RABGAP1L: variants seen among roughly 807,000 people sequenced by gnomAD.
RABGAP1L encodes the protein rab GTPase-activating protein 1-like.
In RABGAP1L, 63 loss-of-function variants were observed where a neutral mutation model predicts 137.7. The observed-to-expected ratio is 0.46, with a 90% CI of 0.37 to 0.56. RABGAP1L has a LOEUF of 0.56. RABGAP1L is among the 20% of genes least tolerant of loss of function. The probability of loss-of-function intolerance (pLI) is 0.00; values close to 1 mark genes in which losing one functional copy is unlikely to be tolerated. For synonymous variants in RABGAP1L, 431 were observed against 433.7 expected (o/e 0.99, Z 0.08); for missense variants, 1,095 against 1,244.0 (o/e 0.88, Z 1.80).
intron 1 of RABGAP1L, among the ~76,000 whole-genome samples, chr1:174,196,865 A>G (rs1221663472): frequency 6.6e-6 from 1 of 152,032 alleles, no homozygotes; most frequent in Non-Finnish European, 1.5e-5. Context: ...TTGGACATCA[A>G]CTTTGTCTTC....
chr1:174,653,018 G>A lies in RABGAP1L; in HGVS notation c.1824+15530G>A, dbSNP rs371996235. 3.3e-5 allele frequency among the ~76,000 whole-genome samples: 5 copies of A among 152,308 alleles called. No homozygotes were observed. The East Asian group carries it at 7.7e-4, about 24-fold the overall frequency. ...GCCTAGAGAGGAGGAATCTAGAGAG[G>A]CTGTCTGGCTACAGTATCTTTTCTG... is the stretch of plus-strand genomic sequence containing the variant. On this transcript the variant is annotated intron_variant, in intron 14 of 25. Coordinates refer to ENST00000681986, the MANE Select transcript of RABGAP1L (RefSeq NM_001366446.1).
chr1:174,179,020 A>G (rs1019594022), intron 1 of RABGAP1L, among the ~76,000 whole-genome samples: 6 of 152,168 alleles, frequency 3.9e-5, no homozygotes, highest in Non-Finnish European at 7.4e-5. Flanking sequence ...AAAACAAAAC[A>G]AAACAATCCC....
intron 10 of RABGAP1L, among the ~76,000 whole-genome samples, chr1:174,295,393 CT>C (rs1021299491): frequency 6.6e-6 from 1 of 151,210 alleles, no homozygotes; most frequent in African/African-American, 2.4e-5. Context: ...TTCTTTCTTT[CT>C]TTTTTTTGAA....
intron 14 of RABGAP1L, among the ~76,000 whole-genome samples, chr1:174,656,302 A>G (rs1675967681): frequency 6.6e-6 from 1 of 152,158 alleles, no homozygotes; most frequent in African/African-American, 2.4e-5. Context: ...TACTAAAAAT[A>G]CAAAAATTAT....
At position 174,796,344 on chromosome 1, in the gene RABGAP1L, G is replaced by C. The variant is rs77298890; in HGVS notation, c.2212-15488G>C. Among the ~76,000 whole-genome samples, 1,199 of 152,200 alleles carry C rather than the reference G, an allele frequency of 7.9e-3. 11 individuals carry two copies. Among genetic ancestry groups the C allele is most frequent in the African/African-American group, 0.027 (1,108 of 41,514 alleles). ...TTGTTCTGTGATTTATTACTGAATC[G>C]CAACAACAATAAAAAAAGTATTTGG... On this transcript the variant is annotated intron_variant, in intron 18 of 25. Coordinates refer to ENST00000681986, the MANE Select transcript of RABGAP1L (RefSeq NM_001366446.1).
chr1:174,226,154 G>A (rs995175522), intron 3 of RABGAP1L, among the ~76,000 whole-genome samples: 2 of 152,130 alleles, frequency 1.3e-5, no homozygotes, highest in African/African-American at 2.4e-5. Context: ...TCTGCAACTC[G>A]GACCACCCTT....
intron 5 of RABGAP1L, among the ~76,000 whole-genome samples, chr1:174,249,483 T>C (rs1172392970): frequency 6.6e-6 from 1 of 152,202 alleles, no homozygotes; most frequent in Non-Finnish European, 1.5e-5. Flanking sequence ...TTGTATATTT[T>C]GAAGCCTAGA....
chr1:174,482,371 C>T (rs1350952233), intron 13 of RABGAP1L, among the ~76,000 whole-genome samples: 2 of 152,000 alleles, frequency 1.3e-5, no homozygotes, highest in African/African-American at 4.8e-5. Context: ...TGCTTAATTC[C>T]CTTTAGAGGT....
intron 11 of RABGAP1L, among the ~76,000 whole-genome samples, chr1:174,308,825 C>T (rs1328208057): frequency 6.6e-6 from 1 of 151,950 alleles, no homozygotes; most frequent in African/African-American, 2.4e-5. Flanking sequence ...CAGCTTTGAT[C>T]TTTTTGCTCA....
At chr1:174,238,580 G>T (rs1322273512) in intron 4 of RABGAP1L, among the ~76,000 whole-genome samples, 1 of 151,532 alleles carries the variant, frequency 6.6e-6, no homozygotes, top group South Asian at 2.1e-4. Flanking sequence ...TAGGCTGCTC[G>T]GGGGTCAGGG....
intron 13 of RABGAP1L, among the ~76,000 whole-genome samples, chr1:174,610,452 T>TAG (rs1241230311): frequency 5.3e-5 from 8 of 151,938 alleles, no homozygotes; most frequent in African/African-American, 1.9e-4. Flanking sequence ...ATCCAGTCTA[T>TAG]CATTGTTGGA....
At chr1:174,549,705 T>C (rs1420808995) in intron 13 of RABGAP1L, among the ~76,000 whole-genome samples, 1 of 152,234 alleles carries the variant, frequency 6.6e-6, no homozygotes, top group East Asian at 1.9e-4. Flanking sequence ...TTAATTTTTT[T>C]CCTACAAATA....
In RABGAP1L at chr1:174,640,027, G is replaced by C. The variant is rs531601153; in HGVS notation, c.1824+2539G>C. On this transcript the variant is annotated intron_variant, in intron 14 of 25. Transcript: ENST00000681986. The stretch of plus-strand genomic sequence containing the variant: ...TAGCTTAAATCACACTAAATTTTGT[G>C]AAGATGTAGAAAACAAAATTACATT... Among the ~76,000 whole-genome samples, 5 of 152,188 alleles carry C rather than the reference G, an allele frequency of 3.3e-5. No homozygotes were observed. In the South Asian group the frequency reaches 1.0e-3, roughly 32 times the overall value.
At chr1:174,780,616 C>T (rs1026675600) in intron 18 of RABGAP1L, among the ~76,000 whole-genome samples, 6 of 151,832 alleles carry the variant, frequency 4.0e-5, no homozygotes, top group South Asian at 2.1e-4. Context: ...ATGTGCACAA[C>T]GTGCAGGTTT....
chr1:174,877,596 C>T, intron 19 of RABGAP1L: 1 of 1,613,246 alleles, frequency 6.2e-7, no homozygotes, highest in South Asian at 1.1e-5. Flanking sequence ...TCAGCAAGCC[C>T]AGGTCTATGG....
At chr1:174,261,709 T>G (rs2148630458) in intron 7 of RABGAP1L, among the ~76,000 whole-genome samples, 1 of 152,352 alleles carries the variant, frequency 6.6e-6, no homozygotes, top group Middle Eastern at 3.4e-3. Context: ...GGTCTTTTGC[T>G]GGATTTACTT....
chr1:174,298,624 C>T (rs2148745969), intron 10 of RABGAP1L, among the ~76,000 whole-genome samples: 1 of 152,288 alleles, frequency 6.6e-6, no homozygotes, highest in African/African-American at 2.4e-5. Flanking sequence ...GACTCCTTAT[C>T]ATAAGCCAAA....
intron 19 of RABGAP1L, among the ~76,000 whole-genome samples, chr1:174,923,850 C>A (rs144251515): frequency 0.022 from 3,092 of 142,378 alleles, 50 homozygotes; most frequent in Middle Eastern, 0.094. Context: ...CACTGCATTC[C>A]AGCCTGGGCG....
At chr1:174,839,028 CGTGTGTGTGTGTGTGT>C (rs71726767) in intron 19 of RABGAP1L, among the ~76,000 whole-genome samples, 1 of 130,046 alleles carries the variant, frequency 7.7e-6, no homozygotes, top group Admixed American at 8.0e-5. Context: ...AACTTTTTTA[CGTGTGTGTGTGTGTGT>C]GTGTGTGTGT....
Sources: gnomAD v4.1 joint callset for allele counts (sites outside exome capture counted in the v4.1 genomes callset) on GRCh38, gnomAD v4.1.1 for gene constraint, MANE v1.5 for transcripts, NCBI Gene and HGNC (gene_info 2026-07-23, HGNC 2026-07-21) for gene names.